The following NECAB3 variants were observed in gnomAD, a reference collection of about 807,000 sequenced individuals.
NECAB3 encodes the protein N-terminal EF-hand calcium binding protein 3.
Under a neutral mutation model 57.2 loss-of-function variants are expected in NECAB3, and 38 were observed. The observed-to-expected ratio is 0.66, with a 90% CI of 0.51 to 0.87. The LOEUF is 0.87. Ranked by LOEUF, NECAB3 falls within the 40% of genes least tolerant of loss-of-function variation. The pLI is 0.00. For missense variants in NECAB3, 474 were observed against 527.5 expected (o/e 0.90, Z 0.99); for synonymous variants, 223 against 222.6 (o/e 1.00, Z -0.02).
chr20:33,663,854 G>A, intron 5 of NECAB3: 3 of 1,400,132 alleles, frequency 2.1e-6, no homozygotes, highest in Non-Finnish European at 2.8e-6. Context: ...CGCTGCCCTC[G>A]CCCGCAGCTT....
intron 5 of NECAB3, chr20:33,663,871 C>A: frequency 7.2e-7 from 1 of 1,391,770 alleles, no homozygotes; most frequent in Non-Finnish European, 9.2e-7. Flanking sequence ...GCTTTAAACG[C>A]TTGGCCCGGA....
chr20:33,667,395 G>A, intron 5 of NECAB3: 1 of 1,384,712 alleles, frequency 7.2e-7, no homozygotes, highest in East Asian at 2.8e-5. Flanking sequence ...TGTGCCCAGA[G>A]CAGTGGCCCG....
Position 33,658,502 on chromosome 20 carries a change from A to G in NECAB3, c.1045T>C (p.Trp349Arg). 1 of 1,614,014 alleles carries G rather than the reference A, an allele frequency of 6.2e-7. No individual in the cohort carries two copies. Among genetic ancestry groups the G allele is most frequent in the Non-Finnish European group, 8.5e-7 (1 of 1,179,976 alleles). The part of the protein sequence containing the change: ...DGASFTLYEF[W>R]QDEASWRRHQ... ...CTTCTCCAGGAGGCCTCATCCTGCC[A>G]GAACTCATACAGGGTGAAGGAGGCA... Residue 349 changes from tryptophan (W) to arginine (R), a missense_variant, in exon 10 of 12, where the codon TGG (tryptophan) becomes CGG (arginine). Transcript: ENST00000246190.
At position 33,657,696 on chromosome 20, in the gene NECAB3, G is replaced by A. The variant is rs1315439065; in HGVS notation, c.*133C>T. The A allele has an allele frequency of 5.8e-6, 5 of 860,948 alleles. No homozygotes were observed. The highest frequency in any genetic ancestry group is 1.7e-5 in the African/African-American group (1 of 58,346). 53.3% of individuals were successfully genotyped at this position (860,948 alleles called of 1,614,324 possible). A position where few individuals can be genotyped will look rare whatever the true frequency, so the allele number is the denominator to read the frequency against. ...CAAGCAGCCCAGTCCCTGATCCCTGGGCTGAGAGCCCTTCCACCAGGCCCA... is the reference window on the plus strand; with the variant it reads ...CAAGCAGCCCAGTCCCTGATCCCTGAGCTGAGAGCCCTTCCACCAGGCCCA... On this transcript the variant is annotated 3_prime_UTR_variant, in exon 12 of 12. Transcript: ENST00000246190.
chr20:33,670,882 C>CATAG (rs1352422843), intron 2 of NECAB3, 90 bp from the exon 3 acceptor site: 2 of 861,206 alleles, frequency 2.3e-6, no homozygotes, highest in African/African-American at 1.7e-5. Context: ...CCAAAGGCCT[C>CATAG]ATAGCATCTG....
At chr20:33,670,848 A>C (rs773252826) in intron 2 of NECAB3, 56 bp from the exon 3 acceptor site, 19 of 1,304,652 alleles carry the variant, frequency 1.5e-5, no homozygotes, top group Middle Eastern at 2.3e-4. Context: ...CCCTGACTGC[A>C]CCCCTGCCAC....
rs1372638989 is a variant in NECAB3, at chr20:33,658,027, C to A, written c.1077G>T (p.Gln359His). Reference sequence around the variant, plus strand: ...GGAAGGCCTTGCTGCCAGGCGACTGCTGGTGCCTGCAGAGACCCAGGCTAC... The same window carrying A: ...GGAAGGCCTTGCTGCCAGGCGACTGATGGTGCCTGCAGAGACCCAGGCTAC... ...WQDEASWRRH[Q>H]QSPGSKAFQR... is the part of the protein sequence containing the mutation. The change falls in exon 11 of 12, where the codon CAG becomes CAT. Residue 359 changes from glutamine to histidine, a missense_variant. Coordinates refer to ENST00000246190, the MANE Select transcript of NECAB3 (RefSeq NM_031232.4). The A allele has an allele frequency of 6.4e-7, 1 of 1,551,146 alleles. No individual in the cohort carries two copies. Among genetic ancestry groups the A allele is most frequent in the Non-Finnish European group, 8.7e-7 (1 of 1,147,124 alleles).
rs1315121090 is a variant in NECAB3, at chr20:33,660,250, C to G, written c.524+9G>C. 3.1e-6 allele frequency: 5 copies of G among 1,612,130 alleles called. No individual in the cohort carries two copies. Among genetic ancestry groups the G allele is most frequent in the Non-Finnish European group, 4.2e-6 (5 of 1,179,386 alleles). ...ACTAGCCCCACAGGTTGACAGCACC[C>G]TTACATACCGCCAGCCATGGGCCTG... On this transcript the variant is annotated intron_variant, in intron 6 of 11. Coordinates refer to ENST00000246190, the MANE Select transcript of NECAB3 (RefSeq NM_031232.4). The surrounding 1 kb of genome is among the most constrained non-coding windows in gnomAD (Gnocchi z 4.1).
intron 5 of NECAB3, chr20:33,663,648 C>CGGAGCGGGCGAAG (rs768623097): frequency 6.3e-7 from 1 of 1,599,882 alleles, no homozygotes; most frequent in Admixed American, 1.7e-5. Flanking sequence ...CCAGATTGCG[C>CGGAGCGGGCGAAG]GGAGCGGGCG....
intron 5 of NECAB3, chr20:33,662,307 G>A (rs999836985): frequency 5.8e-6 from 9 of 1,549,118 alleles, no homozygotes; most frequent in Non-Finnish European, 7.9e-6. Context: ...AGAGCAGACG[G>A]AGTGTGGGCC....
At position 33,669,355 on chromosome 20, in the gene NECAB3, C is replaced by T. The variant is rs750010469; in HGVS notation, c.387+20G>A. 2 of 1,611,444 alleles carry T rather than the reference C, an allele frequency of 1.2e-6. No homozygotes were observed. Among genetic ancestry groups the T allele is most frequent in the Non-Finnish European group, 1.7e-6 (2 of 1,178,260 alleles). On this transcript the variant is annotated intron_variant, in intron 5 of 11. Coordinates refer to ENST00000246190, the MANE Select transcript of NECAB3 (RefSeq NM_031232.4). Reference sequence around the variant, plus strand: ...CCACTGCCTCACAGTGGATCCCCCACCATCAGCCACTCCACTCACCAGCTT... The same window carrying T: ...CCACTGCCTCACAGTGGATCCCCCATCATCAGCCACTCCACTCACCAGCTT...
At position 33,660,967 on chromosome 20, in the gene NECAB3, G is replaced by T. The variant is rs2122467419; in HGVS notation, c.388-572C>A. ...AACCGACACTGCCAGCCTCCTCCCA[G>T]CCCCTCTCAGGGTGGCAGAGAGGCA... On this transcript the variant is annotated intron_variant, in intron 5 of 11. Transcript: ENST00000246190. The surrounding 1 kb of genome is among the most constrained non-coding windows in gnomAD (Gnocchi z 4.1). 6.6e-6 allele frequency among the ~76,000 whole-genome samples: 1 copy of T among 152,072 alleles called. No homozygotes were observed. Among genetic ancestry groups the T allele is most frequent in the African/African-American group, 2.4e-5 (1 of 41,550 alleles).
rs1257972814 is a variant in NECAB3 at position 33,672,417 on chromosome 20, G to T, written c.135C>A (p.Phe45Leu). The change falls in exon 2 of 12, where the codon TTC becomes TTA. Residue 45 changes from phenylalanine (F) to leucine (L), a missense_variant. Transcript: ENST00000246190. ...PAGHTLFQDV[F>L]RRADKNDDGK... ...ACTCACCATTCTTGTCTGCTCTGCG[G>T]AAAACCTAGAGGACAAAGGGACATA... 1 of 1,614,042 alleles carries T rather than the reference G, an allele frequency of 6.2e-7. No individual in the cohort carries two copies. The highest frequency in any genetic ancestry group is 8.5e-7 in the Non-Finnish European group (1 of 1,180,016).
At chr20:33,668,141 T>C (rs553458205) in intron 5 of NECAB3, 6 of 1,612,228 alleles carry the variant, frequency 3.7e-6, no homozygotes, top group South Asian at 3.3e-5. Flanking sequence ...GGCGGCTCCA[T>C]GGTGGCCTCC....
chr20:33,670,381 A>G (rs1225821695), intron 3 of NECAB3: 2 of 345,492 alleles, frequency 5.8e-6, no homozygotes, highest in Admixed American at 8.9e-5. Context: ...TCTCGGGTGG[A>G]AGCAGGCGGG....
chr20:33,658,581 C>T (rs930943377), intron 9 of NECAB3, 27 bp from the exon 10 acceptor site: 3 of 1,613,230 alleles, frequency 1.9e-6, no homozygotes, highest in African/African-American at 2.7e-5. Flanking sequence ...ATGGGCAGGC[C>T]AGGCCAGGGC....
rs374266326 is a variant in NECAB3, at chr20:33,670,664, C to A, written c.263+20G>T. 3 of 1,567,390 alleles carry A rather than the reference C, an allele frequency of 1.9e-6. No individual in the cohort carries two copies. Among genetic ancestry groups the A allele is most frequent in the African/African-American group, 1.4e-5 (1 of 74,004 alleles). ...GACAACCTGGCCTCGCATCTACCCA[C>A]GGCCCCCTCTCATACTCACTCGGTG... On this transcript the variant is annotated intron_variant, in intron 3 of 11. Transcript: ENST00000246190.
chr20:33,659,547 G>T lies in NECAB3; in HGVS notation c.829C>A (p.Pro277Thr), dbSNP rs1228226714. The T allele has an allele frequency of 1.9e-6, 3 of 1,556,430 alleles. No individual in the cohort carries two copies. In the African/African-American group the frequency reaches 4.1e-5, roughly 21 times the overall value. ...PGPHSVPSQA[P>T]RLEPLREEDL... is the part of the protein sequence containing the mutation. ...TCTTCACGCAGGGGTTCCAGCCGGG[G>T]GGCCTGTGAGGGCACAGAGTGTGGG... Residue 277 changes from proline to threonine, a missense_variant, in exon 8 of 12, where the codon CCC becomes ACC. Physicochemically the swap from Pro to Thr is conservative, Grantham distance 38 (BLOSUM62 -1). Transcript: ENST00000246190.
chr20:33,670,892 G>C, intron 2 of NECAB3, 100 bp from the exon 3 acceptor site: 1 of 768,198 alleles, frequency 1.3e-6, no homozygotes, highest in East Asian at 2.7e-5. Flanking sequence ...CATAGCATCT[G>C]ACAACCATCT....
Sources: gnomAD v4.1 joint callset for allele counts (sites outside exome capture counted in the v4.1 genomes callset) on GRCh38, gnomAD v4.1.1 for gene constraint, Gnocchi (gnomAD v3.1) non-coding constraint, MANE v1.5 for transcripts, NCBI Gene and HGNC (gene_info 2026-07-23, HGNC 2026-07-21) for gene names.